Variants in ZNF814 observed in about 807,000 individuals in gnomAD.
ZNF814 encodes zinc finger protein 814.
In ZNF814, 5 loss-of-function variants were observed where a neutral mutation model predicts 7.5. That is an observed-to-expected ratio of 0.67 (90% confidence interval 0.35 to 1.40). The LOEUF (loss-of-function observed/expected upper bound fraction) is 1.40, where lower values mean the gene tolerates loss of function less well. Among genes scored for constraint, ZNF814 ranks in the 40% most tolerant of loss-of-function variants. The pLI, the probability that ZNF814 is intolerant of heterozygous loss-of-function variation, is 0.04. For missense variants in ZNF814, 962 were observed against 1,018.0 expected, an observed-to-expected ratio of 0.94 and a Z score of 0.75; for synonymous variants, 315 against 340.7, an observed-to-expected ratio of 0.92 and a Z score of 0.83.
intron 2 of ZNF814, among the ~76,000 whole-genome samples, chr19:57,875,743 T>C (rs2071600905): frequency 6.6e-6 from 1 of 152,044 alleles, no homozygotes; most frequent in Non-Finnish European, 1.5e-5. Context: ...AGGGTACAAG[T>C]TCATGTACAA....
chr19:57,897,639 G>A, the ZNF814 span, among the ~76,000 whole-genome samples: 3 of 152,200 alleles, frequency 2.0e-5, no homozygotes, highest in African/African-American at 7.2e-5. Context: ...CCCCGCCACA[G>A]CAGGCAGTGC....
At chr19:57,887,136 C>T (rs549111788) in intron 1 of ZNF814, among the ~76,000 whole-genome samples, 3 of 152,164 alleles carry the variant, frequency 2.0e-5, no homozygotes, top group Non-Finnish European at 2.9e-5. Context: ...TGCAGTGAGC[C>T]GAGATCACAC....
chr19:57,873,232 C>T lies in ZNF814; in HGVS notation c.2158G>A (p.Ala720Thr). 1 of 1,608,860 alleles carries T rather than the reference C, an allele frequency of 6.2e-7. No homozygotes were observed. The highest frequency in any genetic ancestry group is 2.2e-5 in the East Asian group (1 of 44,662). Reference sequence around the variant, plus strand: ...TTGTTTCTAAAAAATTTCTGACAAGCTTCACAAGCATATGGCTTTTCTCCA... The same window carrying T: ...TTGTTTCTAAAAAATTTCTGACAAGTTTCACAAGCATATGGCTTTTCTCCA... ...HNGEKPYACE[A>T]CQKFFRNKYQ... Residue 720 changes from alanine to threonine, a missense_variant, in exon 3 of 3, where the codon GCT becomes ACT. Physicochemically the swap from Ala to Thr is moderately conservative, Grantham distance 58. This residue lies in a region of ZNF814 where 665 missense variants were observed against 551.4 expected (regional missense o/e 1.21). Transcript: ENST00000435989.
chr19:57,875,590 C>G (rs1178040182), intron 2 of ZNF814, among the ~76,000 whole-genome samples: 1 of 151,918 alleles, frequency 6.6e-6, no homozygotes, highest in Non-Finnish European at 1.5e-5. Context: ...AGCAGCTACT[C>G]GAGGAGAGTT....
At chr19:57,883,553 C>G (rs1437458950) in intron 1 of ZNF814, among the ~76,000 whole-genome samples, 1 of 150,328 alleles carries the variant, frequency 6.7e-6, no homozygotes, top group Admixed American at 6.6e-5. Flanking sequence ...CCCACCTACT[C>G]GGGAGGCTGA....
intron 1 of ZNF814, among the ~76,000 whole-genome samples, chr19:57,886,397 G>C (rs1420854523): frequency 6.6e-6 from 1 of 151,892 alleles, no homozygotes; most frequent in African/African-American, 2.4e-5. Flanking sequence ...AGGGCCCCAC[G>C]GTGCTCATCA....
the ZNF814 span, among the ~76,000 whole-genome samples, chr19:57,903,647 G>T: frequency 2.0e-5 from 3 of 152,160 alleles, no homozygotes; most frequent in African/African-American, 7.2e-5. Context: ...TATTTTCAGC[G>T]AGGCAGCCAA....
At chr19:57,878,746 G>A (rs1277022566) in intron 1 of ZNF814, among the ~76,000 whole-genome samples, 4 of 151,988 alleles carry the variant, frequency 2.6e-5, no homozygotes, top group African/African-American at 7.2e-5. Context: ...GGCGTGAGCC[G>A]CTGCACCTGT....
chr19:57,900,795 A>C, the ZNF814 span, among the ~76,000 whole-genome samples: 1 of 150,366 alleles, frequency 6.7e-6, no homozygotes, highest in Admixed American at 6.7e-5. Flanking sequence ...AGAAAAAACC[A>C]AAACCGATAA....
chr19:57,874,459 A>G lies in ZNF814; in HGVS notation c.931T>C (p.Phe311Leu), dbSNP rs754236677. ...GTGTGAACTCTCTGATGATTACTGA[A>G]GCTAACATATTTGCTAAAGGATTTC... ...CGKSFSKYVS[F>L]SNHQRVHTGK... The change falls in exon 3 of 3, where the codon TTC becomes CTC. Residue 311 changes from phenylalanine to leucine, a missense_variant. Coordinates refer to ENST00000435989, the MANE Select transcript of ZNF814 (RefSeq NM_001144989.2). 8.4e-7 allele frequency: 1 copy of G among 1,189,354 alleles called. No homozygotes were observed. The highest frequency in any genetic ancestry group is 2.9e-5 in the East Asian group (1 of 34,726). 73.7% of individuals were successfully genotyped at this position (1,189,354 alleles called of 1,614,324 possible).
Position 57,875,081 on chromosome 19 carries a change from G to A in ZNF814, c.309C>T (p.Asp103=). 6.3e-7 allele frequency: 1 copy of A among 1,581,454 alleles called. No homozygotes were observed. The highest frequency in any genetic ancestry group is 8.6e-7 in the Non-Finnish European group (1 of 1,160,506). Residue 103 remains aspartate (D), a synonymous_variant, in exon 3 of 3, where the codon GAC becomes GAT. Transcript: ENST00000435989. ...PCEMCGPILG[D]ILHVADHQGT... is the part of the protein sequence containing the mutation. Reference sequence around the variant, plus strand: ...CCTGATGATCTGCCACATGCAAAATGTCTCCCAAGATCGGGCCACACATCT... The same window carrying A: ...CCTGATGATCTGCCACATGCAAAATATCTCCCAAGATCGGGCCACACATCT...
rs1600134144 is a variant in ZNF814, at chr19:57,872,636, T to C, written c.*186A>G. The C allele has an allele frequency of 1.4e-6, 2 of 1,454,268 alleles. No individual in the cohort carries two copies. The highest frequency in any genetic ancestry group is 9.5e-7 in the Non-Finnish European group (1 of 1,057,274). The allele number at this position is 1,454,268 out of a possible 1,614,324, so 90.1% of individuals were successfully genotyped here. A position where few individuals can be genotyped will look rare whatever the true frequency, so the allele number is the denominator to read the frequency against. On this transcript the variant is annotated 3_prime_UTR_variant, in exon 3 of 3. Coordinates refer to ENST00000435989, the MANE Select transcript of ZNF814 (RefSeq NM_001144989.2). ...AGACTGAAAGTTTCAGCAAAGGATTTCCCACATTCACTGCACTCATAAGGT... is the reference window on the plus strand; with the variant it reads ...AGACTGAAAGTTTCAGCAAAGGATTCCCCACATTCACTGCACTCATAAGGT...
chr19:57,900,865 T>TTTTTTTTTTTTTTTATG, the ZNF814 span, among the ~76,000 whole-genome samples: 1 of 103,098 alleles, frequency 9.7e-6, no homozygotes, highest in African/African-American at 3.9e-5. Flanking sequence ...TTTTTTTTTT[T>TTTTTTTTTTTTTTTATG]GAGACGGAGT....
chr19:57,885,975 C>CAAAAAAAAAAA (rs57921446), intron 1 of ZNF814: 1 of 128,650 alleles, frequency 7.8e-6, no homozygotes, highest in African/African-American at 2.9e-5. Context: ...GACTCCTTCT[C>CAAAAAAAAAAA]AAAAAAAAAA....
chr19:57,902,993 T>G, the ZNF814 span, among the ~76,000 whole-genome samples: 1 of 152,072 alleles, frequency 6.6e-6, no homozygotes, highest in Non-Finnish European at 1.5e-5. Flanking sequence ...ATATTACTCT[T>G]TACATAAATA....
Position 57,872,905 on chromosome 19 carries a change from T to C in ZNF814, c.2485A>G (p.Lys829Glu), listed in dbSNP as rs767855948. 3.7e-6 allele frequency: 6 copies of C among 1,611,152 alleles called. No homozygotes were observed. Among genetic ancestry groups the C allele is most frequent in the Non-Finnish European group, 5.1e-6 (6 of 1,179,130 alleles). ...KRVHTGEKPYKCEKCGKLFNK... is the reference protein window; with the variant it reads ...KRVHTGEKPYECEKCGKLFNK... ...AATAATTTCCCACATTTCTCACATT[T>C]ATAAGGCTTTTCTCCAGTGTGAACT... The change falls in exon 3 of 3, where the codon AAA becomes GAA. Residue 829 changes from lysine (K) to glutamate (E), a missense_variant. By Grantham distance (56) the Lys-to-Glu change is moderately conservative (BLOSUM62 1). Coordinates refer to ENST00000435989, the MANE Select transcript of ZNF814 (RefSeq NM_001144989.2).
At chr19:57,884,090 C>G (rs561752683) in intron 1 of ZNF814, among the ~76,000 whole-genome samples, 1 of 152,098 alleles carries the variant, frequency 6.6e-6, no homozygotes, top group Non-Finnish European at 1.5e-5. Flanking sequence ...CTTTCAAGCA[C>G]AGGCAACCAA....
the ZNF814 span, among the ~76,000 whole-genome samples, chr19:57,901,279 A>G: frequency 6.6e-6 from 1 of 152,254 alleles, no homozygotes; most frequent in African/African-American, 2.4e-5. Flanking sequence ...GACCAGGTAT[A>G]TAAAACCCTA....
upstream of ZNF814, among the ~76,000 whole-genome samples, chr19:57,891,083 T>C (rs1277116820): frequency 2.6e-5 from 4 of 152,120 alleles, no homozygotes; most frequent in East Asian, 1.9e-4. Flanking sequence ...AAAACCAAGA[T>C]GGCCATGAGA....
Sources: allele counts gnomAD v4.1 joint callset (sites outside exome capture counted in the v4.1 genomes callset), GRCh38; gene constraint gnomAD v4.1.1; regional missense constraint gnomAD v4.1.1; transcripts MANE v1.5; gene names NCBI Gene and HGNC (gene_info 2026-07-23, HGNC 2026-07-21).